The following ASPM variants were observed in gnomAD, a reference collection of about 807,000 sequenced individuals.
ASPM encodes assembly factor for spindle microtubules.
Under a neutral mutation model 366.4 loss-of-function variants are expected in ASPM, and 256 were observed. That is an observed-to-expected ratio of 0.70 (90% CI 0.63 to 0.77). ASPM has a LOEUF of 0.77. ASPM is among the 30% of genes least tolerant of loss of function. ASPM has a pLI of 0.00. For synonymous variants in ASPM, 1,414 were observed against 1,342.9 expected, an observed-to-expected ratio of 1.05 and a Z score of -1.16; for missense variants, 4,146 against 4,090.4, an observed-to-expected ratio of 1.01 and a Z score of -0.37.
Position 197,143,998 on chromosome 1 carries a change from C to T in ASPM, c.400G>A (p.Ala134Thr), listed in dbSNP as rs1286521154. The T allele has an allele frequency of 1.1e-5, 18 of 1,609,778 alleles. No individual in the cohort carries two copies. Among genetic ancestry groups the T allele is most frequent in the African/African-American group, 2.7e-5 (2 of 74,838 alleles). ...FLVNDVLKHQ[A>T]ILLGNAEEQK... Reference sequence around the variant, plus strand: ...TCTTCTGCATTTCCTAGTAATATAGCTTGGTGTTTCAGAACATCATTTACA... The same window carrying T: ...TCTTCTGCATTTCCTAGTAATATAGTTTGGTGTTTCAGAACATCATTTACA... The change falls in exon 2 of 28, where the codon GCT (alanine) becomes ACT (threonine). Residue 134 changes from alanine (A) to threonine (T), a missense_variant. Ala to Thr is a moderately conservative substitution (Grantham distance 58, BLOSUM62 0). Coordinates refer to ENST00000367409, the MANE Select transcript of ASPM (RefSeq NM_018136.5).
At chr1:197,109,104 G>A (rs1157879322) in intron 17 of ASPM, among the ~76,000 whole-genome samples, 1 of 150,870 alleles carries the variant, frequency 6.6e-6, no homozygotes, top group Non-Finnish European at 1.5e-5. Flanking sequence ...GCACAATTAT[G>A]TCAAGTAAAA....
chr1:197,101,762 A>G lies in ASPM; in HGVS notation c.7489T>C (p.Tyr2497His). 1 of 1,612,550 alleles carries G rather than the reference A, an allele frequency of 6.2e-7. No individual in the cohort carries two copies. Reference sequence around the variant, plus strand: ...TGTTTCCAAGTCTGAAATGTAATATATGTTCTGTACATCCTGAAAGTAGCC... The same window carrying G: ...TGTTTCCAAGTCTGAAATGTAATATGTGTTCTGTACATCCTGAAAGTAGCC... Reference protein sequence around the residue: ...IQATFRMYRTYITFQTWKHAS... With the variant: ...IQATFRMYRTHITFQTWKHAS... Residue 2497 changes from tyrosine (Y) to histidine (H), a missense_variant, in exon 18 of 28, where the codon TAT (tyrosine) becomes CAT (histidine). Physicochemically the swap from Tyr to His is moderately conservative, Grantham distance 83. Around this residue, in one of 3 missense-constraint regions of ASPM, gnomAD observed 3,624 missense variants for 3,591.7 expected, o/e 1.01. Transcript: ENST00000367409.
In ASPM at chr1:197,103,734, A is replaced by G. The variant is rs773478078; in HGVS notation, c.5517T>C (p.Asn1839=). ...GCACAGATTGATATTTTACCCTTTTATTATAGCCTCTAAAAGCAGACTGAA... is the reference window on the plus strand; with the variant it reads ...GCACAGATTGATATTTTACCCTTTTGTTATAGCCTCTAAAAGCAGACTGAA... ...LKIQSAFRGY[N]KRVKYQSVLQ... is the part of the protein sequence containing the mutation. The change falls in exon 18 of 28, where the codon AAT becomes AAC. Residue 1839 remains asparagine, a synonymous_variant. Transcript: ENST00000367409. 6.2e-7 allele frequency: 1 copy of G among 1,612,798 alleles called. No homozygotes were observed. Among genetic ancestry groups the G allele is most frequent in the Non-Finnish European group, 8.5e-7 (1 of 1,179,326 alleles).
In ASPM at chr1:197,100,574, A is replaced by G; in HGVS notation, c.8677T>C (p.Tyr2893His). Residue 2893 changes from tyrosine to histidine, a missense_variant, in exon 18 of 28, where the codon TAC (tyrosine) becomes CAC (histidine). Around this residue, in one of 3 missense-constraint regions of ASPM, gnomAD observed 3,624 missense variants for 3,591.7 expected, o/e 1.01. Coordinates refer to ENST00000367409, the MANE Select transcript of ASPM (RefSeq NM_018136.5). ...RKAAVVLQNH[Y>H]RAFLSAKHQR... ...TGTTTTGCAGACAGAAATGCTCTGT[A>G]GTGATTTTGTAAAACCACTGCTGCT... The G allele has an allele frequency of 6.2e-7, 1 of 1,611,942 alleles. No individual in the cohort carries two copies. Among genetic ancestry groups the G allele is most frequent in the Non-Finnish European group, 8.5e-7 (1 of 1,178,796 alleles).
intron 21 of ASPM, among the ~76,000 whole-genome samples, chr1:197,092,504 G>C (rs910296614): frequency 5.9e-5 from 9 of 151,922 alleles, no homozygotes; most frequent in Non-Finnish European, 1.3e-4. Flanking sequence ...TTCTACAGTT[G>C]CTGTTGGGCT....
At position 197,091,158 on chromosome 1, in the gene ASPM, C is replaced by T. The variant is rs538406471; in HGVS notation, c.9445-117G>A. On this transcript the variant is annotated intron_variant, in intron 22 of 27. Coordinates refer to ENST00000367409, the MANE Select transcript of ASPM (RefSeq NM_018136.5). ...TAGAACAGTATATCAAGAAATCTTT[C>T]AGCTTTCCACAGAGGCATTACTTCC... The T allele has an allele frequency of 2.7e-5, 25 of 942,890 alleles. No individual in the cohort carries two copies. In the South Asian group the frequency reaches 3.8e-4, roughly 14 times the overall value. The allele number at this position is 942,890 out of a possible 1,614,324, so 58.4% of individuals were successfully genotyped here. A position where few individuals can be genotyped will look rare whatever the true frequency, so the allele number is the denominator to read the frequency against.
intron 17 of ASPM, among the ~76,000 whole-genome samples, chr1:197,107,059 T>C (rs1411422839): frequency 2.0e-5 from 3 of 152,004 alleles, no homozygotes; most frequent in African/African-American, 7.2e-5. Flanking sequence ...AGTAGAGCAG[T>C]GTAACTCAAT....
chr1:197,121,800 A>C, intron 16 of ASPM, 115 bp downstream of exon 16: 1 of 1,318,258 alleles, frequency 7.6e-7, no homozygotes, highest in Non-Finnish European at 1.1e-6. Context: ...ACAATTACTA[A>C]ATTTATCTTA....
intron 25 of ASPM, among the ~76,000 whole-genome samples, chr1:197,088,650 C>T (rs894581798): frequency 7.9e-5 from 12 of 151,912 alleles, no homozygotes; most frequent in Non-Finnish European, 1.6e-4. Context: ...AATCTTTTCC[C>T]CCTAATTCTA....
chr1:197,124,917 T>A lies in ASPM; in HGVS notation c.3121A>T (p.Arg1041Ter). 6.2e-7 allele frequency: 1 copy of A among 1,612,430 alleles called. No individual in the cohort carries two copies. Among genetic ancestry groups the A allele is most frequent in the Non-Finnish European group, 8.5e-7 (1 of 1,178,572 alleles). Reference sequence around the variant, plus strand: ...CAAAGCAACCTGAGAGTTTTTTCTCTGTGCCTATCCACAATATCCTTAGAT... The same window carrying A: ...CAAAGCAACCTGAGAGTTTTTTCTCAGTGCCTATCCACAATATCCTTAGAT... ...ILSKDIVDRHREKTLRLLWKI... is the reference protein window; with the variant it reads ...ILSKDIVDRH Residue 1041 changes from arginine to a stop codon, truncating the protein, a stop_gained, in exon 12 of 28, where the codon AGA becomes TGA. Coordinates refer to ENST00000367409, the MANE Select transcript of ASPM (RefSeq NM_018136.5). LOFTEE classifies it high-confidence loss of function.
Position 197,088,374 on chromosome 1 carries a change from T to C in ASPM, c.10043A>G (p.Glu3348Gly). The part of the protein sequence containing the change: ...DVENCIDILL[E>G]LLQIYREKPG... ...CTTTTCTCGGTATATCTGCAAAAGC[T>C]CCAATAGTATATCTATACAATTTTC... The change falls in exon 26 of 28, where the codon GAG becomes GGG. Residue 3348 changes from glutamate to glycine, a missense_variant. By Grantham distance (98) the Glu-to-Gly change is moderately conservative. This residue lies in a region of ASPM where 3,624 missense variants were observed against 3,591.7 expected (regional missense o/e 1.01). Coordinates refer to ENST00000367409, the MANE Select transcript of ASPM (RefSeq NM_018136.5). 2 of 1,611,472 alleles carry C rather than the reference T, an allele frequency of 1.2e-6. No individual in the cohort carries two copies. The highest frequency in any genetic ancestry group is 3.3e-4 in the Middle Eastern group (2 of 6,048).
chr1:197,128,718 T>A, intron 9 of ASPM, 53 bp from the exon 10 acceptor site: 1 of 1,409,912 alleles, frequency 7.1e-7, no homozygotes. Context: ...ATTTTGCTTA[T>A]AATAAAAACA....
chr1:197,139,458 A>G (rs1658517789), intron 4 of ASPM, among the ~76,000 whole-genome samples: 1 of 152,204 alleles, frequency 6.6e-6, no homozygotes, highest in African/African-American at 2.4e-5. Context: ...TTAGCCGGGC[A>G]TGGTCGTGGG....
Position 197,106,492 on chromosome 1 carries a change from T to TA in ASPM, c.4066-1308dup, listed in dbSNP as rs200874633. Among the ~76,000 whole-genome samples, 1,057 of 152,194 alleles carry TA rather than the reference T, an allele frequency of 6.9e-3. 12 individuals are homozygous for TA. Among genetic ancestry groups the TA allele is most frequent in the African/African-American group, 0.024 (1,007 of 41,554 alleles). ...CCCACCCCCAACAGATATTTCTATG[T>TA]AAAATCCTCAAACTAAGAAATTGAA... On this transcript the variant is annotated intron_variant, in intron 17 of 27. Transcript: ENST00000367409.
chr1:197,135,211 T>G lies in ASPM; in HGVS notation c.2058A>C (p.Ala686=), dbSNP rs761242935. The G allele has an allele frequency of 1.1e-5, 17 of 1,613,962 alleles. No homozygotes were observed. Among genetic ancestry groups the G allele is most frequent in the Non-Finnish European group, 1.7e-6 (2 of 1,179,956 alleles). The stretch of plus-strand genomic sequence containing the variant: ...AGCGTTCATCATAAAACATGTTTTT[T>G]GCAGCAAATGGCATCGGGTGTCTGG... The part of the protein sequence containing the change: ...DIPRHPMPFA[A]KNMFYDERWK... Residue 686 remains alanine, a synonymous_variant, in exon 5 of 28, where the codon GCA becomes GCC. Transcript: ENST00000367409.
At position 197,139,776 on chromosome 1, in the gene ASPM, A is replaced by C. The variant is rs755675522; in HGVS notation, c.2017T>G (p.Leu673Val). 1 of 1,600,548 alleles carries C rather than the reference A, an allele frequency of 6.2e-7. No homozygotes were observed. Among genetic ancestry groups the C allele is most frequent in the East Asian group, 2.2e-5 (1 of 44,784 alleles). ...AQSSLTFIKP[L>V]KTDIPRHPMP... is the part of the protein sequence containing the mutation. Reference sequence around the variant, plus strand: ...TATAATAAATACTTGCCTGTTTTTAATGGTTTTATGAAGGTCAAACTGGAC... The same window carrying C: ...TATAATAAATACTTGCCTGTTTTTACTGGTTTTATGAAGGTCAAACTGGAC... Residue 673 changes from leucine (L) to valine (V), a missense_variant, in exon 4 of 28, where the codon TTA (leucine) becomes GTA (valine). Transcript: ENST00000367409.
Position 197,125,185 on chromosome 1 carries a change from G to A in ASPM, c.2943C>T (p.Thr981=), listed in dbSNP as rs1235568030. ...DLQCGVRLVR[T]MELLTQNWDL... is the part of the protein sequence containing the mutation. ...CCCAGTTCTGTGTGAGAAGTTCCAT[G>A]GTTCGCCTGGCAGTAATAAAATGTT... The change falls in exon 11 of 28, where the codon ACC becomes ACT. Residue 981 remains threonine, a synonymous_variant. Coordinates refer to ENST00000367409, the MANE Select transcript of ASPM (RefSeq NM_018136.5). 8 of 1,613,924 alleles carry A rather than the reference G, an allele frequency of 5.0e-6. 1 individual carries two copies. Among genetic ancestry groups the A allele is most frequent in the Non-Finnish European group, 5.9e-6 (7 of 1,179,890 alleles).
In ASPM at chr1:197,094,151, A is replaced by G. The variant is rs909230113; in HGVS notation, c.9017T>C (p.Ile3006Thr). Residue 3006 changes from isoleucine (I) to threonine (T), a missense_variant, in exon 20 of 28, where the codon ATC (isoleucine) becomes ACC (threonine). By Grantham distance (89) the Ile-to-Thr change is moderately conservative. This residue lies in a region of ASPM where 3,624 missense variants were observed against 3,591.7 expected (regional missense o/e 1.01). Coordinates refer to ENST00000367409, the MANE Select transcript of ASPM (RefSeq NM_018136.5). ...TATAGCTCTCCATTTTCTCTGAATG[A>G]TAATTGCTGATGCTCTCACATTCAA... is the stretch of plus-strand genomic sequence containing the variant. The part of the protein sequence containing the change: ...RFLNVRASAI[I>T]IQRKWRAILP... 7.5e-6 allele frequency: 12 copies of G among 1,607,024 alleles called. No homozygotes were observed. The Admixed American group carries it at 8.4e-5, about 11-fold the overall frequency.
intron 4 of ASPM, chr1:197,139,323 G>C: frequency 5.4e-6 from 4 of 734,976 alleles, no homozygotes; most frequent in Non-Finnish European, 9.3e-6. Context: ...TTGGCCGGGC[G>C]CGGTGGCTCA....
Sources: gnomAD v4.1 joint callset for allele counts (sites outside exome capture counted in the v4.1 genomes callset) on GRCh38, gnomAD v4.1.1 for gene constraint, gnomAD v4.1.1 regional missense constraint, MANE v1.5 for transcripts, NCBI Gene and HGNC (gene_info 2026-07-23, HGNC 2026-07-21) for gene names.